The following KLHL6 variants were observed in gnomAD, a reference collection of about 807,000 sequenced individuals.
The protein encoded by KLHL6 is kelch-like protein 6.
Under a neutral mutation model 58.6 loss-of-function variants are expected in KLHL6, and 41 were observed. The observed-to-expected ratio is 0.70, with a 90% CI of 0.55 to 0.91. The LOEUF (loss-of-function observed/expected upper bound fraction) is 0.91, where lower values mean the gene tolerates loss of function less well. KLHL6 is among the 40% of genes least tolerant of loss of function. The pLI is 0.00. For synonymous variants in KLHL6, 338 were observed against 322.7 expected (o/e 1.05, Z -0.51); for missense variants, 714 against 805.6 (o/e 0.89, Z 1.38).
chr3:183,529,584 T>A (rs937602451), intron 1 of KLHL6, among the ~76,000 whole-genome samples: 8 of 152,150 alleles, frequency 5.3e-5, no homozygotes, highest in African/African-American at 1.9e-4. Flanking sequence ...ATGCTTGTAA[T>A]CCCAGCACTT....
chr3:183,505,545 T>A, intron 3 of KLHL6, among the ~76,000 whole-genome samples: 1 of 150,794 alleles, frequency 6.6e-6, no homozygotes. Flanking sequence ...AGAGTGGAAA[T>A]AGGTGAAATA....
At chr3:183,540,545 C>A (rs1233044428) in intron 1 of KLHL6, among the ~76,000 whole-genome samples, 1 of 152,084 alleles carries the variant, frequency 6.6e-6, no homozygotes, top group Non-Finnish European at 1.5e-5. Flanking sequence ...TGAATTGGAA[C>A]TCCAGGCCCG....
intron 1 of KLHL6, among the ~76,000 whole-genome samples, chr3:183,546,200 G>A (rs1439160614): frequency 3.3e-5 from 5 of 152,330 alleles, no homozygotes; most frequent in Admixed American, 6.5e-5. Flanking sequence ...TTACCTTCTT[G>A]CATATTTGGG....
At chr3:183,536,236 G>A (rs1712362180) in intron 1 of KLHL6, among the ~76,000 whole-genome samples, 1 of 152,184 alleles carries the variant, frequency 6.6e-6, no homozygotes, top group Admixed American at 6.5e-5. Flanking sequence ...CAAGACAAAA[G>A]TCATGCAAAA....
At chr3:183,526,174 G>A (rs911077021) in intron 2 of KLHL6, among the ~76,000 whole-genome samples, 1 of 152,160 alleles carries the variant, frequency 6.6e-6, no homozygotes, top group Non-Finnish European at 1.5e-5. Context: ...AGCCGGGCGT[G>A]GTGGCACATG....
At chr3:183,546,316 G>T (rs1712715759) in intron 1 of KLHL6, among the ~76,000 whole-genome samples, 1 of 152,168 alleles carries the variant, frequency 6.6e-6, no homozygotes. Context: ...TATATTGCAG[G>T]CCTAGCAAAT....
At chr3:183,507,983 T>C (rs1489655518) in intron 3 of KLHL6, 76 bp downstream of exon 3, 1 of 1,316,336 alleles carries the variant, frequency 7.6e-7, no homozygotes, top group Non-Finnish European at 1.1e-6. Context: ...GAATCCGCTT[T>C]GCTTGCATCT....
intron 2 of KLHL6, among the ~76,000 whole-genome samples, chr3:183,510,907 T>A (rs1577184392): frequency 1.3e-5 from 1 of 76,246 alleles, no homozygotes; most frequent in Non-Finnish European, 3.7e-5. Flanking sequence ...ATAAAGCATT[T>A]CTCCGAGGGT....
chr3:183,520,791 A>G (rs941292678), intron 2 of KLHL6: 1 of 152,226 alleles, frequency 6.6e-6, no homozygotes, highest in Admixed American at 6.5e-5. Flanking sequence ...CTCAGTAAAT[A>G]GAATGTGCGA....
intron 2 of KLHL6, among the ~76,000 whole-genome samples, chr3:183,524,377 CT>C (rs1337979042): frequency 6.6e-6 from 1 of 152,196 alleles, no homozygotes; most frequent in Non-Finnish European, 1.5e-5. Context: ...TTACTTTTAC[CT>C]TTCCAAAAAC....
chr3:183,525,681 A>G (rs1375944009), intron 2 of KLHL6, among the ~76,000 whole-genome samples: 1 of 152,198 alleles, frequency 6.6e-6, no homozygotes, highest in Non-Finnish European at 1.5e-5. Context: ...CTTATAAGAG[A>G]TCATTAGCAA....
rs773771286 is a variant in KLHL6 at position 183,494,176 on chromosome 3, A to G, written c.1253T>C (p.Val418Ala). 1 of 1,614,124 alleles carries G rather than the reference A, an allele frequency of 6.2e-7. No individual in the cohort carries two copies. The highest frequency in any genetic ancestry group is 8.5e-7 in the Non-Finnish European group (1 of 1,180,004). ...GATCACATAGACCTTGCCACCCAAC[A>G]CCACCATCTTATGCCTCCAGCGGCC... is the stretch of plus-strand genomic sequence containing the variant. Reference protein sequence around the residue: ...NIGRWRHKMVVLGGKVYVIGG... With the variant: ...NIGRWRHKMVALGGKVYVIGG... Residue 418 changes from valine (V) to alanine (A), a missense_variant, in exon 5 of 7, where the codon GTG (valine) becomes GCG (alanine). Val to Ala is a moderately conservative substitution (Grantham distance 64). This residue lies in a region of KLHL6 where 510 missense variants were observed against 629.7 expected (regional missense o/e 0.81). Transcript: ENST00000341319.
At chr3:183,508,001 C>T in intron 3 of KLHL6, 58 bp downstream of exon 3, 1 of 1,467,884 alleles carries the variant, frequency 6.8e-7, no homozygotes, top group Non-Finnish European at 9.4e-7. Context: ...TCTCTGTGAG[C>T]CCCTAGCTAA....
At position 183,544,798 on chromosome 3, in the gene KLHL6, A is replaced by G. The variant is rs190529213; in HGVS notation, c.293+10563T>C. On this transcript the variant is annotated intron_variant, in intron 1 of 6. Coordinates refer to ENST00000341319, the MANE Select transcript of KLHL6 (RefSeq NM_130446.4). ...CACACACACACACACACACACACAC[A>G]CGCACAGCTCTTTAGCCAAGGGTGG... 5.8e-4 allele frequency: 87 copies of G among 149,378 alleles called. 1 individual carries two copies. The East Asian group carries it at 0.017, about 29-fold the overall frequency. The allele number at this position is 149,378 out of a possible 1,614,324, so 9.3% of individuals were successfully genotyped here.
At chr3:183,525,267 A>ACACACACACACACGCAC (rs1553811023) in intron 2 of KLHL6, among the ~76,000 whole-genome samples, 1 of 125,652 alleles carries the variant, frequency 8.0e-6, no homozygotes, top group African/African-American at 3.0e-5. Context: ...CTCTAAAAAA[A>ACACACACACACACGCAC]AAACACACAC....
At chr3:183,516,270 G>A (rs1711554340) in intron 2 of KLHL6, among the ~76,000 whole-genome samples, 1 of 152,196 alleles carries the variant, frequency 6.6e-6, no homozygotes, top group Non-Finnish European at 1.5e-5. Flanking sequence ...AACTGATGAT[G>A]CGCAGGGCAA....
At chr3:183,500,764 T>C (rs143075213) in intron 3 of KLHL6, among the ~76,000 whole-genome samples, 45 of 152,292 alleles carry the variant, frequency 3.0e-4, no homozygotes, top group African/African-American at 1.0e-3. Flanking sequence ...ATAGGTGTGC[T>C]GACACAAGGC....
At chr3:183,545,583 G>A (rs1001324666) in intron 1 of KLHL6, among the ~76,000 whole-genome samples, 1 of 152,190 alleles carries the variant, frequency 6.6e-6, no homozygotes, top group Non-Finnish European at 1.5e-5. Context: ...GAAGAGGCCT[G>A]TTTTCAGTTT....
In KLHL6 at chr3:183,490,063, C is replaced by T. The variant is rs1259845850; in HGVS notation, c.*1864G>A. The T allele has an allele frequency of 6.6e-6, 1 of 152,134 alleles. No homozygotes were observed. Among genetic ancestry groups the T allele is most frequent in the Admixed American group, 6.5e-5 (1 of 15,276 alleles). The allele number at this position is 152,134 out of a possible 1,614,324, so 9.4% of individuals were successfully genotyped here. On this transcript the variant is annotated 3_prime_UTR_variant, in exon 7 of 7. Coordinates refer to ENST00000341319, the MANE Select transcript of KLHL6 (RefSeq NM_130446.4). The stretch of plus-strand genomic sequence containing the variant: ...TGCTTTTTAAATACAGCATATGAAA[C>T]AGGATCTCTTAACCTGTTTCTCCAG...
Sources: allele counts gnomAD v4.1 joint callset (sites outside exome capture counted in the v4.1 genomes callset), GRCh38; gene constraint gnomAD v4.1.1; regional missense constraint gnomAD v4.1.1; transcripts MANE v1.5; gene names NCBI Gene and HGNC (gene_info 2026-07-23, HGNC 2026-07-21).